Variants in PRKAG2 observed in about 807,000 individuals in gnomAD.
PRKAG2 encodes protein kinase AMP-activated non-catalytic subunit gamma 2, also known as 5'-AMP-activated protein kinase subunit gamma-2.
PRKAG2 carries 26 observed loss-of-function variants against 69.6 expected under a neutral mutation model. That is an observed-to-expected ratio of 0.37 (90% CI 0.27 to 0.52). PRKAG2 has a LOEUF of 0.52. PRKAG2 is among the 20% of genes least tolerant of loss of function. PRKAG2 has a pLI of 0.90. For synonymous variants in PRKAG2, 293 were observed against 285.0 expected, an observed-to-expected ratio of 1.03 and a Z score of -0.28; for missense variants, 557 against 740.0, an observed-to-expected ratio of 0.75 and a Z score of 2.87.
chr7:151,831,357 C>G (rs1054569903), intron 1 of PRKAG2, among the ~76,000 whole-genome samples: 1 of 152,108 alleles, frequency 6.6e-6, no homozygotes, highest in Non-Finnish European at 1.5e-5. Flanking sequence ...GATGAATGAG[C>G]AAAACATGGT....
chr7:151,697,827 A>C (rs897970206), intron 3 of PRKAG2, among the ~76,000 whole-genome samples: 2 of 152,132 alleles, frequency 1.3e-5, no homozygotes, highest in Non-Finnish European at 2.9e-5. Context: ...TCATCCACCC[A>C]GTGGCTCAAG....
intron 1 of PRKAG2, among the ~76,000 whole-genome samples, chr7:151,789,925 C>T (rs2077194387): frequency 6.6e-6 from 1 of 152,202 alleles, no homozygotes; most frequent in African/African-American, 2.4e-5. Context: ...TTCTGATGTT[C>T]TCTGTTCCGG....
chr7:151,682,778 A>G (rs1834075024), intron 3 of PRKAG2, among the ~76,000 whole-genome samples: 1 of 146,582 alleles, frequency 6.8e-6, no homozygotes. Flanking sequence ...GTCGAGAACC[A>G]GGAAAGCAGG....
chr7:151,626,166 C>G (rs372990224), intron 5 of PRKAG2, among the ~76,000 whole-genome samples: 1 of 152,120 alleles, frequency 6.6e-6, no homozygotes, highest in Admixed American at 6.5e-5. Flanking sequence ...CAGTTACTTG[C>G]GAAGACTGGT....
intron 4 of PRKAG2, among the ~76,000 whole-genome samples, chr7:151,663,563 G>A (rs2727531): frequency 0.67 from 101,463 of 151,928 alleles, 33,940 homozygotes; most frequent in Admixed American, 0.69. Context: ...GGGTTTTGCC[G>A]TGTTGAGGCT....
Position 151,836,546 on chromosome 7 carries a change from G to A in PRKAG2, c.114+39961C>T, listed in dbSNP as rs775354890. Among the ~76,000 whole-genome samples, 2 of 152,216 alleles carry A rather than the reference G, an allele frequency of 1.3e-5. No homozygotes were observed. The highest frequency in any genetic ancestry group is 2.9e-5 in the Non-Finnish European group (2 of 68,050). On this transcript the variant is annotated intron_variant, in intron 1 of 15. Coordinates refer to ENST00000287878, the MANE Select transcript of PRKAG2 (RefSeq NM_016203.4). The surrounding 1 kb of genome is among the most constrained non-coding windows in gnomAD (Gnocchi z 4.1). Reference sequence around the variant, plus strand: ...CATCGCTGGCTCCTCTGCCTCCAGGGGATCAGAACTTGCCCCCTTCCCAGT... The same window carrying A: ...CATCGCTGGCTCCTCTGCCTCCAGGAGATCAGAACTTGCCCCCTTCCCAGT...
At chr7:151,579,221 T>C (rs897976357) in intron 6 of PRKAG2, among the ~76,000 whole-genome samples, 4 of 152,144 alleles carry the variant, frequency 2.6e-5, no homozygotes, top group Non-Finnish European at 5.9e-5. Context: ...AGGATCTTGC[T>C]ATGTTGCCCA....
At chr7:151,578,980 A>T (rs1317306809) in intron 6 of PRKAG2, among the ~76,000 whole-genome samples, 1 of 152,072 alleles carries the variant, frequency 6.6e-6, no homozygotes, top group African/African-American at 2.4e-5. Context: ...ATAGAATGGG[A>T]ATGGGGGCAC....
rs1372495134 is a variant in PRKAG2 at position 151,614,883 on chromosome 7, T to C, written c.754+17186A>G. Among the ~76,000 whole-genome samples, 2 of 152,010 alleles carry C rather than the reference T, an allele frequency of 1.3e-5. No homozygotes were observed. Among genetic ancestry groups the C allele is most frequent in the Non-Finnish European group, 2.9e-5 (2 of 67,990 alleles). Reference sequence around the variant, plus strand: ...ACCTTTACACTGGAACAAAAGAGCCTCAAAGGGGCCATGTGGATCCAGAGG... The same window carrying C: ...ACCTTTACACTGGAACAAAAGAGCCCCAAAGGGGCCATGTGGATCCAGAGG... On this transcript the variant is annotated intron_variant, in intron 5 of 15. Transcript: ENST00000287878. This position sits in a 1 kb window ranked among gnomAD's most constrained non-coding sequence, Gnocchi z 4.4.
intron 3 of PRKAG2, among the ~76,000 whole-genome samples, chr7:151,753,232 A>G (rs2074837133): frequency 1.3e-5 from 2 of 152,212 alleles, no homozygotes; most frequent in African/African-American, 2.4e-5. Context: ...CCAAGAAATG[A>G]CGCCCCTGAG....
chr7:151,675,201 G>A, intron 4 of PRKAG2: 1 of 574,858 alleles, frequency 1.7e-6, no homozygotes, highest in Non-Finnish European at 3.2e-6. Context: ...GACTACAGGT[G>A]TGAGCCACCG....
At chr7:151,712,059 C>T (rs182313188) in intron 3 of PRKAG2, among the ~76,000 whole-genome samples, 70 of 152,340 alleles carry the variant, frequency 4.6e-4, no homozygotes, top group Middle Eastern at 3.4e-3. Flanking sequence ...GTGTGACTGC[C>T]CGGAGGCAGT....
chr7:151,770,362 C>T (rs2075963653), intron 3 of PRKAG2, among the ~76,000 whole-genome samples: 1 of 152,226 alleles, frequency 6.6e-6, no homozygotes, highest in African/African-American at 2.4e-5. Flanking sequence ...ATGCATGCTG[C>T]ACACAATTAG....
chr7:151,821,675 A>G (rs536281140), intron 1 of PRKAG2, among the ~76,000 whole-genome samples: 1 of 152,280 alleles, frequency 6.6e-6, no homozygotes, highest in African/African-American at 2.4e-5. Flanking sequence ...GACACATTGG[A>G]TTCCTCGTCC....
chr7:151,557,018 C>T lies in PRKAG2; in HGVS notation c.*183G>A. The T allele has an allele frequency of 1.0e-6, 1 of 976,146 alleles. No homozygotes were observed. The highest frequency in any genetic ancestry group is 1.5e-6 in the Non-Finnish European group (1 of 653,956). 60.5% of individuals were successfully genotyped at this position (976,146 alleles called of 1,614,324 possible). A position where few individuals can be genotyped will look rare whatever the true frequency, so the allele number is the denominator to read the frequency against. On this transcript the variant is annotated 3_prime_UTR_variant, in exon 16 of 16. Transcript: ENST00000287878. The stretch of plus-strand genomic sequence containing the variant: ...TCTGAAAACAGTCTTTTAATGCAAG[C>T]CTGAATCTTCAAGCACATAAAATCT...
intron 5 of PRKAG2, among the ~76,000 whole-genome samples, chr7:151,619,560 T>C (rs1820971680): frequency 6.6e-6 from 1 of 152,186 alleles, no homozygotes; most frequent in Admixed American, 6.5e-5. Context: ...TGGTTCAATC[T>C]GTACAAACTT....
At chr7:151,620,017 T>A (rs1177922144) in intron 5 of PRKAG2, among the ~76,000 whole-genome samples, 2 of 151,972 alleles carry the variant, frequency 1.3e-5, no homozygotes, top group Non-Finnish European at 2.9e-5. Flanking sequence ...CGAGACTCCG[T>A]CTCAAAAATA....
intron 3 of PRKAG2, among the ~76,000 whole-genome samples, chr7:151,742,707 G>C (rs1292650599): frequency 6.6e-6 from 1 of 152,114 alleles, no homozygotes; most frequent in Non-Finnish European, 1.5e-5. Flanking sequence ...CGAGTCAGGA[G>C]GCTACAACAA....
intron 14 of PRKAG2, among the ~76,000 whole-genome samples, chr7:151,562,381 A>T (rs1805251070): frequency 6.6e-6 from 1 of 151,478 alleles, no homozygotes; most frequent in South Asian, 2.1e-4. Flanking sequence ...TAGGAAGGAG[A>T]TAGGAAGAGG....
Sources: gnomAD v4.1 joint callset for allele counts (sites outside exome capture counted in the v4.1 genomes callset) on GRCh38, gnomAD v4.1.1 for gene constraint, Gnocchi (gnomAD v3.1) non-coding constraint, MANE v1.5 for transcripts, NCBI Gene and HGNC (gene_info 2026-07-23, HGNC 2026-07-21) for gene names.